LRBA: variants seen among roughly 807,000 people sequenced by gnomAD.
The protein encoded by LRBA is lipopolysaccharide-responsive and beige-like anchor protein.
Under a neutral mutation model 330.0 loss-of-function variants are expected in LRBA, and 176 were observed. The ratio of observed to expected loss-of-function variants is 0.53; its 90% CI spans 0.47 to 0.60. LRBA has a LOEUF of 0.60. Ranked by LOEUF, LRBA falls within the 20% of genes least tolerant of loss-of-function variation. The probability of loss-of-function intolerance (pLI) is 0.00; values close to 1 mark genes in which losing one functional copy is unlikely to be tolerated. For missense variants in LRBA, 3,259 were observed against 3,444.8 expected (o/e 0.95, Z 1.35); for synonymous variants, 1,230 against 1,193.0 (o/e 1.03, Z -0.64).
intron 37 of LRBA, among the ~76,000 whole-genome samples, chr4:150,650,870 T>C (rs1321719163): frequency 6.6e-6 from 1 of 151,974 alleles, no homozygotes; most frequent in Non-Finnish European, 1.5e-5. Flanking sequence ...TCATTAGAAC[T>C]TGGGGAGAGA....
intron 47 of LRBA, among the ~76,000 whole-genome samples, chr4:150,400,987 G>C (rs1421265708): frequency 6.6e-6 from 1 of 152,204 alleles, no homozygotes; most frequent in African/African-American, 2.4e-5. Flanking sequence ...ATTGGAGATA[G>C]GTTATTTACA....
intron 53 of LRBA, among the ~76,000 whole-genome samples, chr4:150,288,265 C>T (rs1748408931): frequency 6.6e-6 from 1 of 151,826 alleles, no homozygotes; most frequent in Non-Finnish European, 1.5e-5. Flanking sequence ...AGGCGTGAGC[C>T]ACCGCGCCCA....
At chr4:151,006,386 ATTGTACT>A (rs1380722682) in intron 2 of LRBA, among the ~76,000 whole-genome samples, 1 of 152,128 alleles carries the variant, frequency 6.6e-6, no homozygotes, top group Non-Finnish European at 1.5e-5. Context: ...CTTCCTAAAG[ATTGTACT>A]TTTATTTTAA....
At chr4:150,397,949 G>A (rs1374488235) in intron 47 of LRBA, among the ~76,000 whole-genome samples, 3 of 152,078 alleles carry the variant, frequency 2.0e-5, no homozygotes, top group Admixed American at 6.6e-5. Context: ...AAAGTTTAAT[G>A]AACAAAATCC....
At chr4:150,485,978 A>C (rs1757825727) in intron 42 of LRBA, among the ~76,000 whole-genome samples, 1 of 151,934 alleles carries the variant, frequency 6.6e-6, no homozygotes. Context: ...CAAACTTTTC[A>C]TTGTAAGACA....
chr4:150,771,988 T>C (rs1411054233), intron 34 of LRBA, among the ~76,000 whole-genome samples: 2 of 152,326 alleles, frequency 1.3e-5, no homozygotes, highest in Admixed American at 6.5e-5. Context: ...CTCCCATTCA[T>C]AGACATCTAT....
chr4:150,991,053 C>CAA (rs543266001), intron 2 of LRBA, among the ~76,000 whole-genome samples: 2,621 of 59,952 alleles, frequency 0.044, 109 homozygotes, highest in African/African-American at 0.15. Flanking sequence ...ACTCTGTCTC[C>CAA]AAAAAAAAAA....
At chr4:150,947,980 AT>A (rs1043192354) in intron 2 of LRBA, among the ~76,000 whole-genome samples, 8 of 152,050 alleles carry the variant, frequency 5.3e-5, no homozygotes, top group African/African-American at 1.9e-4. Context: ...CAATAATATG[AT>A]GATGAAAGAA....
At chr4:150,939,636 G>T (rs531759883) in intron 2 of LRBA, among the ~76,000 whole-genome samples, 48 of 152,184 alleles carry the variant, frequency 3.2e-4, no homozygotes, top group African/African-American at 1.1e-3. Flanking sequence ...GTTTATTTTT[G>T]ATGTTACCCA....
intron 53 of LRBA, among the ~76,000 whole-genome samples, chr4:150,299,883 G>A (rs930755865): frequency 4.6e-5 from 7 of 151,854 alleles, no homozygotes; most frequent in African/African-American, 1.5e-4. Context: ...GTATATACAC[G>A]CTTCACCACT....
intron 40 of LRBA, among the ~76,000 whole-genome samples, chr4:150,520,091 T>C (rs58633621): frequency 0.21 from 32,527 of 152,186 alleles, 4,365 homozygotes; most frequent in Non-Finnish European, 0.3. Context: ...GATAAATACA[T>C]GGAAGATATT....
chr4:150,790,591 A>G (rs1739757113), intron 34 of LRBA, among the ~76,000 whole-genome samples: 3 of 152,242 alleles, frequency 2.0e-5, no homozygotes, highest in Admixed American at 2.0e-4. Flanking sequence ...ATGTTTGCAT[A>G]TCAGCAATAA....
chr4:150,685,402 ATATATATATATATATATATTTTTTTTTTT>A (rs1344934156), intron 36 of LRBA, among the ~76,000 whole-genome samples: 2 of 13,530 alleles, frequency 1.5e-4, no homozygotes, highest in Non-Finnish European at 2.8e-4. Context: ...ATATATATAT[ATATATATATATATATATATTTTTTTTTTT>A]TTTTTTTTTT....
intron 38 of LRBA, among the ~76,000 whole-genome samples, chr4:150,591,354 G>T (rs931583272): frequency 6.6e-6 from 1 of 152,170 alleles, no homozygotes; most frequent in Non-Finnish European, 1.5e-5. Context: ...AAGCCAGTGA[G>T]GATTTAGGCC....
chr4:150,997,078 T>C (rs997492049), intron 2 of LRBA, among the ~76,000 whole-genome samples: 1 of 152,218 alleles, frequency 6.6e-6, no homozygotes, highest in African/African-American at 2.4e-5. Flanking sequence ...TCAGGATACA[T>C]GTGGCATTAA....
At chr4:150,522,354 G>A (rs1763008311) in intron 40 of LRBA, among the ~76,000 whole-genome samples, 1 of 152,146 alleles carries the variant, frequency 6.6e-6, no homozygotes, top group Non-Finnish European at 1.5e-5. Flanking sequence ...GTAGAATATT[G>A]CTACAACATA....
At chr4:150,489,455 TAAGAATATAA>T (rs1434898692) in intron 41 of LRBA, among the ~76,000 whole-genome samples, 89 of 44,816 alleles carry the variant, frequency 2.0e-3, no homozygotes, top group Non-Finnish European at 3.6e-3. Context: ...ATATTATATA[TAAGAATATAA>T]AATATATTAT....
intron 37 of LRBA, among the ~76,000 whole-genome samples, chr4:150,622,553 T>C (rs1465400916): frequency 6.6e-6 from 1 of 151,586 alleles, no homozygotes; most frequent in East Asian, 1.9e-4. Flanking sequence ...AGAAAAGAAA[T>C]CTAGTAGGAT....
At chr4:150,534,461 T>C (rs1430085983) in intron 40 of LRBA, among the ~76,000 whole-genome samples, 1 of 151,566 alleles carries the variant, frequency 6.6e-6, no homozygotes, top group Non-Finnish European at 1.5e-5. Flanking sequence ...GATTTACACG[T>C]TTTGCTTTAG....
Sources: allele counts gnomAD v4.1 joint callset (sites outside exome capture counted in the v4.1 genomes callset), GRCh38; gene constraint gnomAD v4.1.1; transcripts MANE v1.5; gene names NCBI Gene and HGNC (gene_info 2026-07-23, HGNC 2026-07-21).